USP47: variants seen among roughly 807,000 people sequenced by gnomAD.
USP47 encodes ubiquitin specific peptidase 47.
In USP47, 35 loss-of-function variants were observed where a neutral mutation model predicts 165.1. The observed-to-expected ratio is 0.21, with a 90% confidence interval of 0.16 to 0.28. USP47 has a LOEUF of 0.28. Ranked by LOEUF, USP47 falls within the 10% of genes least tolerant of loss-of-function variation. USP47 has a pLI of 1.00. For missense variants in USP47, 1,277 were observed against 1,607.4 expected, an observed-to-expected ratio of 0.79 and a Z score of 3.52; for synonymous variants, 531 against 544.5, an observed-to-expected ratio of 0.98 and a Z score of 0.35.
chr11:11,910,323 G>C (rs1414452515), intron 8 of USP47, among the ~76,000 whole-genome samples: 5 of 152,154 alleles, frequency 3.3e-5, no homozygotes, highest in Non-Finnish European at 7.3e-5. Context: ...AACTGAAGAA[G>C]CTGGCAGCCT....
intron 4 of USP47, among the ~76,000 whole-genome samples, chr11:11,892,386 T>C (rs1247513833): frequency 3.4e-5 from 5 of 146,068 alleles, no homozygotes; most frequent in South Asian, 2.2e-4. Context: ...TTTTCTTTTT[T>C]TTTTTTTTTT....
At chr11:11,926,527 T>C (rs1423239983) in intron 11 of USP47, among the ~76,000 whole-genome samples, 1 of 152,098 alleles carries the variant, frequency 6.6e-6, no homozygotes, top group Non-Finnish European at 1.5e-5. Context: ...TAATGTCTCC[T>C]CTTTCATTTC....
rs898940696 is a variant in USP47 at position 11,871,574 on chromosome 11, G to C, written c.40-8603G>C. Among the ~76,000 whole-genome samples, 44 of 147,892 alleles carry C rather than the reference G, an allele frequency of 3.0e-4. 1 individual carries two copies. Among genetic ancestry groups the C allele is most frequent in the Non-Finnish European group, 3.0e-5 (2 of 67,242 alleles). On this transcript the variant is annotated intron_variant, in intron 1 of 27. Transcript: ENST00000527733. ...TGGTGGGAACCTAAGTGAGCTCCAGGGATTCTTTTCCTGTGGTTCTTTCCC... is the reference window on the plus strand; with the variant it reads ...TGGTGGGAACCTAAGTGAGCTCCAGCGATTCTTTTCCTGTGGTTCTTTCCC...
intron 1 of USP47, among the ~76,000 whole-genome samples, chr11:11,848,921 T>C (rs1848578781): frequency 6.6e-6 from 1 of 151,750 alleles, no homozygotes; most frequent in Non-Finnish European, 1.5e-5. Flanking sequence ...AACTAGCGTT[T>C]TTATAGTGTT....
At chr11:11,849,759 G>T in intron 1 of USP47, among the ~76,000 whole-genome samples, 1 of 152,068 alleles carries the variant, frequency 6.6e-6, no homozygotes, top group East Asian at 1.9e-4. Flanking sequence ...TGGTATCTTT[G>T]GCTGTCTTTG....
chr11:11,922,435 C>G (rs374448926), intron 10 of USP47, among the ~76,000 whole-genome samples: 1 of 152,000 alleles, frequency 6.6e-6, no homozygotes. Flanking sequence ...TAATTTCAAC[C>G]ATTATGTTGT....
chr11:11,903,155 A>T, intron 6 of USP47, 108 bp from the exon 7 acceptor site: 1 of 1,094,964 alleles, frequency 9.1e-7, no homozygotes, highest in East Asian at 2.6e-5. Context: ...TAAATTTGGC[A>T]TTATTTAAGG....
intron 3 of USP47, among the ~76,000 whole-genome samples, chr11:11,887,106 T>C (rs1040098359): frequency 1.3e-5 from 2 of 152,154 alleles, no homozygotes; most frequent in Non-Finnish European, 2.9e-5. Context: ...AAGGAAAAAC[T>C]GTTACCAGCC....
chr11:11,920,552 T>C, intron 10 of USP47, 58 bp downstream of exon 10: 1 of 1,493,114 alleles, frequency 6.7e-7, no homozygotes, highest in Non-Finnish European at 9.0e-7. Flanking sequence ...AGTCATGGTT[T>C]TGAAAGAGCT....
At chr11:11,911,993 G>T (rs183531761) in intron 8 of USP47, among the ~76,000 whole-genome samples, 1 of 152,050 alleles carries the variant, frequency 6.6e-6, no homozygotes, top group East Asian at 1.9e-4. Flanking sequence ...CAAAGAGGAA[G>T]TCTCAAGGGA....
At chr11:11,937,105 A>G (rs765922770) in intron 17 of USP47, among the ~76,000 whole-genome samples, 3 of 151,842 alleles carry the variant, frequency 2.0e-5, no homozygotes, top group Non-Finnish European at 4.4e-5. Flanking sequence ...GAGACTGCTT[A>G]GGAAAACCAA....
intron 1 of USP47, among the ~76,000 whole-genome samples, chr11:11,872,736 A>T (rs1483794410): frequency 6.6e-6 from 1 of 152,218 alleles, no homozygotes; most frequent in African/African-American, 2.4e-5. Context: ...GAAAGGCACC[A>T]TGTATTAAAA....
intron 1 of USP47, among the ~76,000 whole-genome samples, chr11:11,853,238 A>G (rs912370962): frequency 2.6e-5 from 4 of 152,316 alleles, no homozygotes; most frequent in Non-Finnish European, 4.4e-5. Flanking sequence ...ATATTTAAAT[A>G]CCTATTGTAA....
At chr11:11,942,272 G>C in intron 19 of USP47, 63 bp from the exon 20 acceptor site, 1 of 1,445,528 alleles carries the variant, frequency 6.9e-7, no homozygotes. Context: ...GCAATATAAT[G>C]ATGATGATGA....
chr11:11,880,259 C>T lies in USP47; in HGVS notation c.122C>T (p.Thr41Ile). ...TNSKTVNERI[T>I]LNLPASTPVR... The stretch of plus-strand genomic sequence containing the variant: ...TCAAAGACAGTGAATGAACGGATCA[C>T]TTTAAATTTACCAGCATCTACTCCA... Residue 41 changes from threonine (T) to isoleucine (I), a missense_variant, in exon 2 of 28, where the codon ACT becomes ATT. By Grantham distance (89) the Thr-to-Ile change is moderately conservative (BLOSUM62 -1). Transcript: ENST00000527733. 2 of 1,455,814 alleles carry T rather than the reference C, an allele frequency of 1.4e-6. No individual in the cohort carries two copies. The highest frequency in any genetic ancestry group is 1.8e-6 in the Non-Finnish European group (2 of 1,113,770). 90.2% of individuals were successfully genotyped at this position (1,455,814 alleles called of 1,614,324 possible).
At chr11:11,924,851 T>A (rs1289499226) in intron 11 of USP47, among the ~76,000 whole-genome samples, 1 of 152,188 alleles carries the variant, frequency 6.6e-6, no homozygotes, top group Non-Finnish European at 1.5e-5. Context: ...GTCGTCTTTT[T>A]AATCTCGGTT....
intron 1 of USP47, among the ~76,000 whole-genome samples, chr11:11,871,646 C>A (rs987972419): frequency 4.0e-5 from 6 of 151,548 alleles, no homozygotes; most frequent in Non-Finnish European, 8.8e-5. Context: ...GAGAAATCAG[C>A]CAAACACTCT....
Position 11,950,488 on chromosome 11 carries a change from T to G in USP47, c.3583+6T>G, listed in dbSNP as rs776826562. On this transcript the variant is annotated splice_donor_region_variant and intron_variant, in intron 24 of 27. Transcript: ENST00000527733. ...TTTCCTTGAAGTTCTTGATGGTATT[T>G]TCAATATTTTTGGGGGGAAGTATCA... 2 of 1,575,426 alleles carry G rather than the reference T, an allele frequency of 1.3e-6. No individual in the cohort carries two copies. The highest frequency in any genetic ancestry group is 2.3e-5 in the South Asian group (2 of 87,314).
intron 24 of USP47, chr11:11,951,121 T>C (rs2134874878): frequency 1.3e-5 from 2 of 152,276 alleles, no homozygotes; most frequent in South Asian, 4.2e-4. Flanking sequence ...GCTTCTGTGG[T>C]TTTTGGCCAT....
Sources: allele counts gnomAD v4.1 joint callset (sites outside exome capture counted in the v4.1 genomes callset), GRCh38; gene constraint gnomAD v4.1.1; transcripts MANE v1.5; gene names NCBI Gene and HGNC (gene_info 2026-07-23, HGNC 2026-07-21).